Variants in ABHD16A observed in about 807,000 individuals in gnomAD.
ABHD16A encodes the protein phosphatidylserine lipase ABHD16A.
Under a neutral mutation model 89.8 loss-of-function variants are expected in ABHD16A, and 47 were observed. The ratio of observed to expected loss-of-function variants is 0.52; its 90% CI spans 0.41 to 0.67. ABHD16A has a LOEUF of 0.67. Among genes scored for constraint, ABHD16A ranks in the 30% least tolerant of loss-of-function variants. The pLI is 0.00. For missense variants in ABHD16A, 580 were observed against 734.6 expected, an observed-to-expected ratio of 0.79 and a Z score of 2.43; for synonymous variants, 251 against 280.4, an observed-to-expected ratio of 0.90 and a Z score of 1.05.
At chr6:31,692,765 G>GC in intron 7 of ABHD16A, 2 of 119,888 alleles carry the variant, frequency 1.7e-5, no homozygotes, top group South Asian at 1.6e-4. Context: ...CACCCCCACT[G>GC]CTCCTTTTCA....
At chr6:31,699,277 T>C (rs557785081) in intron 4 of ABHD16A, among the ~76,000 whole-genome samples, 1,651 of 151,754 alleles carry the variant, frequency 0.011, 23 homozygotes, top group African/African-American at 0.033. Context: ...GGTGTGGTGG[T>C]GGGCGCCTGT....
chr6:31,694,452 A>G (rs805280), intron 5 of ABHD16A, among the ~76,000 whole-genome samples: 53,286 of 141,144 alleles, frequency 0.38, 10,807 homozygotes, highest in African/African-American at 0.56. Context: ...GTGCAGTGGC[A>G]CGATCTCGGA....
intron 2 of ABHD16A, 74 bp downstream of exon 2, chr6:31,702,000 G>A: frequency 6.4e-7 from 1 of 1,566,556 alleles, no homozygotes. Context: ...TTGCTCCCAA[G>A]TTAGGGAGGG....
intron 5 of ABHD16A, among the ~76,000 whole-genome samples, chr6:31,694,473 C>T (rs1180534432): frequency 6.8e-6 from 1 of 146,046 alleles, no homozygotes; most frequent in Admixed American, 7.1e-5. Context: ...TCACTGCAAG[C>T]TCTGCCTCCC....
intron 4 of ABHD16A, among the ~76,000 whole-genome samples, chr6:31,700,508 C>T (rs1201506770): frequency 6.6e-6 from 1 of 152,212 alleles, no homozygotes; most frequent in African/African-American, 2.4e-5. Flanking sequence ...ATGTTGTATG[C>T]TGTATTCTTG....
At chr6:31,700,745 AG>A (rs1804891731) in intron 4 of ABHD16A, among the ~76,000 whole-genome samples, 196 bp downstream of exon 4, 1 of 151,640 alleles carries the variant, frequency 6.6e-6, no homozygotes, top group African/African-American at 2.4e-5. Flanking sequence ...AAAAAAAAAA[AG>A]CAAACCTTTT....
chr6:31,700,808 A>G (rs551718581), intron 4 of ABHD16A, 134 bp downstream of exon 4: 527 of 685,098 alleles, frequency 7.7e-4, no homozygotes, highest in Non-Finnish European at 1.1e-3. Flanking sequence ...TTTTAAGGAA[A>G]AGATCATGCC....
At chr6:31,702,228 C>T (rs1052405198) in intron 1 of ABHD16A, 98 bp from the exon 2 acceptor site, 1 of 1,164,826 alleles carries the variant, frequency 8.6e-7, no homozygotes, top group Non-Finnish European at 1.3e-6. Context: ...GTTCTAGTCT[C>T]GTTGACTATC....
rs1013695797 is a variant in ABHD16A at position 31,689,497 on chromosome 6, C to T, written c.1081+84G>A. On this transcript the variant is annotated intron_variant, in intron 12 of 19. Coordinates refer to ENST00000395952, the MANE Select transcript of ABHD16A (RefSeq NM_021160.3). Reference sequence around the variant, plus strand: ...TCTCTCTTCTTCCTTGAGCCTCCACCCCACCCCATTTCCCCACCTCTCCCG... The same window carrying T: ...TCTCTCTTCTTCCTTGAGCCTCCACTCCACCCCATTTCCCCACCTCTCCCG... The T allele has an allele frequency of 8.3e-6, 12 of 1,442,538 alleles. No homozygotes were observed. The African/African-American group carries it at 1.6e-4, about 19-fold the overall frequency. 89.4% of individuals were successfully genotyped at this position (1,442,538 alleles called of 1,614,324 possible). A position where few individuals can be genotyped will look rare whatever the true frequency, so the allele number is the denominator to read the frequency against.
intron 1 of ABHD16A, chr6:31,702,910 A>G: frequency 7.7e-7 from 1 of 1,303,412 alleles, no homozygotes. Flanking sequence ...GGGGACGCGG[A>G]GAGGAAAGAA....
At position 31,687,096 on chromosome 6, in the gene ABHD16A, T is replaced by C. The variant is rs970257900; in HGVS notation, c.*116A>G. The C allele has an allele frequency of 1.5e-4, 154 of 1,001,194 alleles. No homozygotes were observed. The highest frequency in any genetic ancestry group is 4.3e-4 in the Middle Eastern group (2 of 4,682). The allele number at this position is 1,001,194 out of a possible 1,614,324, so 62.0% of individuals were successfully genotyped here. A position where few individuals can be genotyped will look rare whatever the true frequency, so the allele number is the denominator to read the frequency against. On this transcript the variant is annotated 3_prime_UTR_variant, in exon 20 of 20. Coordinates refer to ENST00000395952, the MANE Select transcript of ABHD16A (RefSeq NM_021160.3). The surrounding 1 kb of genome is among the most constrained non-coding windows in gnomAD (Gnocchi z 6.3). Reference sequence around the variant, plus strand: ...GGAACAGTGGTGAGAAGGGGGATGGTCCCCCACTTTCCACAAACTATAAAC... The same window carrying C: ...GGAACAGTGGTGAGAAGGGGGATGGCCCCCCACTTTCCACAAACTATAAAC...
At position 31,694,387 on chromosome 6, in the gene ABHD16A, CTTTTT is replaced by C. The variant is rs1190272819; in HGVS notation, c.430-960_430-956del. ...TTTTTGACGGCAGTGGGAGCTGTGT[CTTTTT>C]TTTTTTTTTTTTTTTTGAGATGGAG... is the stretch of plus-strand genomic sequence containing the variant. On this transcript the variant is annotated intron_variant, in intron 5 of 19. Coordinates refer to ENST00000395952, the MANE Select transcript of ABHD16A (RefSeq NM_021160.3). Among the ~76,000 whole-genome samples the C allele has an allele frequency of 3.4e-3, 267 of 77,708 alleles. 1 individual carries two copies. Among genetic ancestry groups the C allele is most frequent in the African/African-American group, 0.013 (244 of 18,670 alleles). The allele number at this position is 77,708 out of a possible 152,430, so 51.0% of individuals were successfully genotyped here.
At chr6:31,702,889 C>T (rs1445935445) in intron 1 of ABHD16A, 1 of 1,329,558 alleles carries the variant, frequency 7.5e-7, no homozygotes, top group Non-Finnish European at 9.7e-7. Context: ...AACCACGACA[C>T]ACAGGGTCGG....
Position 31,687,199 on chromosome 6 carries a change from T to C in ABHD16A, c.*13A>G, listed in dbSNP as rs1431134247. On this transcript the variant is annotated 3_prime_UTR_variant, in exon 20 of 20. Transcript: ENST00000395952. The surrounding 1 kb of genome is among the most constrained non-coding windows in gnomAD (Gnocchi z 6.3). The stretch of plus-strand genomic sequence containing the variant: ...TCTCACCCCATTCTTCCATAATGAG[T>C]CCCAGTTGGTCCCTAGAGGTGCCAG... 1 of 1,607,322 alleles carries C rather than the reference T, an allele frequency of 6.2e-7. No individual in the cohort carries two copies. Among genetic ancestry groups the C allele is most frequent in the South Asian group, 1.1e-5 (1 of 90,832 alleles).
Position 31,688,363 on chromosome 6 carries a change from C to T in ABHD16A, c.1251-58G>A, listed in dbSNP as rs1406854443. ...TCAGAGGGAGACGGGTGACAACTGG[C>T]CCACCCCTATCCCTGCACTGGTAGC... is the stretch of plus-strand genomic sequence containing the variant. On this transcript the variant is annotated intron_variant, in intron 14 of 19. Transcript: ENST00000395952. This position sits in a 1 kb window ranked among gnomAD's most constrained non-coding sequence, Gnocchi z 4.9. 1.3e-6 allele frequency: 2 copies of T among 1,529,998 alleles called. No homozygotes were observed. The highest frequency in any genetic ancestry group is 1.8e-6 in the Non-Finnish European group (2 of 1,104,622). The allele number at this position is 1,529,998 out of a possible 1,614,324, so 94.8% of individuals were successfully genotyped here. A position where few individuals can be genotyped will look rare whatever the true frequency, so the allele number is the denominator to read the frequency against.
Position 31,688,843 on chromosome 6 carries a change from G to A in ABHD16A, c.1187-57C>T. ...AGACAAAGCCCTTGCCCAACATAAA[G>A]GTCCTCACTATTCACGGAGAAAGAA... On this transcript the variant is annotated intron_variant, in intron 13 of 19. Coordinates refer to ENST00000395952, the MANE Select transcript of ABHD16A (RefSeq NM_021160.3). The surrounding 1 kb of genome is among the most constrained non-coding windows in gnomAD (Gnocchi z 4.9). 1 of 1,565,202 alleles carries A rather than the reference G, an allele frequency of 6.4e-7. No individual in the cohort carries two copies. The highest frequency in any genetic ancestry group is 8.8e-7 in the Non-Finnish European group (1 of 1,142,560).
At position 31,702,144 on chromosome 6, in the gene ABHD16A, T is replaced by C. The variant is rs1805076437; in HGVS notation, c.133-14A>G. 6.2e-7 allele frequency: 1 copy of C among 1,613,062 alleles called. No homozygotes were observed. Among genetic ancestry groups the C allele is most frequent in the Non-Finnish European group, 8.5e-7 (1 of 1,180,000 alleles). On this transcript the variant is annotated splice_polypyrimidine_tract_variant and intron_variant, in intron 1 of 19. Coordinates refer to ENST00000395952, the MANE Select transcript of ABHD16A (RefSeq NM_021160.3). ...ATAGTACGTATCCTGCCAAAACAGA[T>C]GGCCTCCTTAAGGACCCTGCCCACT...
chr6:31,687,735 T>C lies in ABHD16A; in HGVS notation c.1453A>G (p.Ile485Val), dbSNP rs139650138. The C allele has an allele frequency of 2.4e-4, 386 of 1,612,706 alleles. No homozygotes were observed. Among genetic ancestry groups the C allele is most frequent in the Non-Finnish European group, 2.7e-4 (322 of 1,179,930 alleles). Reference sequence around the variant, plus strand: ...TCTTCCACCTCCCATCGGCTATAAATTGAGGCTGGTCAGGGAGAGAGATGA... The same window carrying C: ...TCTTCCACCTCCCATCGGCTATAAACTGAGGCTGGTCAGGGAGAGAGATGA... Reference protein sequence around the residue: ...EASSQLEEASIYSRWEVEEDW... With the variant: ...EASSQLEEASVYSRWEVEEDW... The change falls in exon 18 of 20, where the codon ATT (isoleucine) becomes GTT (valine). Residue 485 changes from isoleucine to valine, a missense_variant. Ile to Val is a conservative substitution (Grantham distance 29). Around this residue, in one of 2 missense-constraint regions of ABHD16A, gnomAD observed 415 missense variants for 568.8 expected, o/e 0.73. Transcript: ENST00000395952. This position sits in a 1 kb window ranked among gnomAD's most constrained non-coding sequence, Gnocchi z 6.3.
At chr6:31,692,031 T>C in intron 7 of ABHD16A, 113 bp from the exon 8 acceptor site, 1 of 783,452 alleles carries the variant, frequency 1.3e-6, no homozygotes, top group South Asian at 2.0e-5. Flanking sequence ...ACCCCTGACC[T>C]TCACAGCTTT....
Sources: allele counts gnomAD v4.1 joint callset (sites outside exome capture counted in the v4.1 genomes callset), GRCh38; gene constraint gnomAD v4.1.1; regional missense constraint gnomAD v4.1.1; non-coding constraint Gnocchi (gnomAD v3.1); transcripts MANE v1.5; gene names NCBI Gene and HGNC (gene_info 2026-07-23, HGNC 2026-07-21).